AGBL4: variants seen among roughly 807,000 people sequenced by gnomAD.
AGBL4 encodes cytosolic carboxypeptidase 6.
Under a neutral mutation model 66.4 loss-of-function variants are expected in AGBL4, and 58 were observed. The ratio of observed to expected loss-of-function variants is 0.87; its 90% confidence interval spans 0.71 to 1.09. The LOEUF (loss-of-function observed/expected upper bound fraction) is 1.09, where lower values mean the gene tolerates loss of function less well. Ranked by LOEUF, AGBL4 falls within the 50% of genes least tolerant of loss-of-function variation. The pLI, the probability that AGBL4 is intolerant of heterozygous loss-of-function variation, is 0.00. For synonymous variants in AGBL4, 234 were observed against 222.9 expected (o/e 1.05, Z -0.44); for missense variants, 579 against 631.0 (o/e 0.92, Z 0.88).
intron 3 of AGBL4, among the ~76,000 whole-genome samples, chr1:49,680,312 G>A (rs1231289086): frequency 6.7e-6 from 1 of 150,106 alleles, no homozygotes; most frequent in East Asian, 2.0e-4. Context: ...GCCTCCCAAG[G>A]TGCTGGGATT....
chr1:48,587,809 A>T lies in AGBL4; in HGVS notation c.1105-643T>A, dbSNP rs186995341. 4.3e-3 allele frequency among the ~76,000 whole-genome samples: 648 copies of T among 151,134 alleles called. 3 individuals are homozygous for T. Among genetic ancestry groups the T allele is most frequent in the African/African-American group, 0.014 (592 of 41,234 alleles). On this transcript the variant is annotated intron_variant, in intron 10 of 13. Coordinates refer to ENST00000371839, the MANE Select transcript of AGBL4 (RefSeq NM_032785.4). ...AGGTGCCCACCACCACGACTGGCTAATTTTTTGTATTTTTAGCAGAGACAG... is the reference window on the plus strand; with the variant it reads ...AGGTGCCCACCACCACGACTGGCTATTTTTTTGTATTTTTAGCAGAGACAG...
chr1:49,382,929 C>A (rs1178078019), intron 3 of AGBL4, among the ~76,000 whole-genome samples: 6 of 152,150 alleles, frequency 3.9e-5, no homozygotes, highest in African/African-American at 1.4e-4. Flanking sequence ...CACCTTAGCC[C>A]ATGAGTTCAA....
chr1:49,238,643 A>T (rs568802564), intron 4 of AGBL4, among the ~76,000 whole-genome samples: 1 of 152,312 alleles, frequency 6.6e-6, no homozygotes, highest in African/African-American at 2.4e-5. Context: ...GCTTCCTACT[A>T]GCCCTTTGTT....
chr1:49,415,044 A>G (rs1220081761), intron 3 of AGBL4, among the ~76,000 whole-genome samples: 1 of 152,062 alleles, frequency 6.6e-6, no homozygotes, highest in Non-Finnish European at 1.5e-5. Context: ...GATTTATCTG[A>G]GGTCATGTAG....
rs1036869080 is a variant in AGBL4 at position 49,213,257 on chromosome 1, C to T, written c.377+32513G>A. Among the ~76,000 whole-genome samples, 4 of 152,076 alleles carry T rather than the reference C, an allele frequency of 2.6e-5. No individual in the cohort carries two copies. The South Asian group carries it at 6.2e-4, about 24-fold the overall frequency. ...ACATCTACATTTATCTTAGGCTTACCTTTCTTGATTAGCAGAGATATTGAC... is the reference window on the plus strand; with the variant it reads ...ACATCTACATTTATCTTAGGCTTACTTTTCTTGATTAGCAGAGATATTGAC... On this transcript the variant is annotated intron_variant, in intron 4 of 13. Transcript: ENST00000371839.
At position 49,603,963 on chromosome 1, in the gene AGBL4, CA is replaced by C. The variant is rs1161900338; in HGVS notation, c.282+93349del. Among the ~76,000 whole-genome samples the C allele has an allele frequency of 1.7e-4, 26 of 151,430 alleles. 1 individual carries two copies. Among genetic ancestry groups the C allele is most frequent in the African/African-American group, 6.3e-4 (26 of 41,230 alleles). ...ACACACACACACACACACACACACACACACACACACACACACACCACATTTT... is the reference window on the plus strand; with the variant it reads ...ACACACACACACACACACACACACACCACACACACACACACACCACATTTT... On this transcript the variant is annotated intron_variant, in intron 3 of 13. Coordinates refer to ENST00000371839, the MANE Select transcript of AGBL4 (RefSeq NM_032785.4).
chr1:49,295,213 A>G (rs1016438097), intron 3 of AGBL4, among the ~76,000 whole-genome samples: 1 of 152,220 alleles, frequency 6.6e-6, no homozygotes, highest in Non-Finnish European at 1.5e-5. Flanking sequence ...CATTGAGGAT[A>G]TAACAAAAAA....
intron 1 of AGBL4, among the ~76,000 whole-genome samples, chr1:49,916,364 A>G (rs1366967784): frequency 2.0e-5 from 3 of 152,198 alleles, no homozygotes; most frequent in Non-Finnish European, 4.4e-5. Context: ...ACTAACTACA[A>G]TAACCAGTGT....
At chr1:49,733,868 C>A (rs1649653234) in intron 2 of AGBL4, among the ~76,000 whole-genome samples, 1 of 152,028 alleles carries the variant, frequency 6.6e-6, no homozygotes, top group Admixed American at 6.6e-5. Context: ...TAATAGACTG[C>A]AAAATTTTTA....
intron 7 of AGBL4, among the ~76,000 whole-genome samples, chr1:48,653,919 T>C (rs1645977949): frequency 6.6e-6 from 1 of 152,174 alleles, no homozygotes; most frequent in Non-Finnish European, 1.5e-5. Flanking sequence ...ATGTTGCTGA[T>C]AGGCACACCA....
intron 5 of AGBL4, among the ~76,000 whole-genome samples, chr1:49,030,820 C>CA (rs34872551): frequency 0.046 from 2,742 of 60,146 alleles, 59 homozygotes; most frequent in African/African-American, 0.1. Context: ...TAAGTAGAGG[C>CA]AAAAAAAAAA....
intron 1 of AGBL4, among the ~76,000 whole-genome samples, chr1:49,857,864 G>A (rs910575476): frequency 2.6e-5 from 4 of 152,160 alleles, no homozygotes; most frequent in African/African-American, 9.6e-5. Context: ...ATAGACCAAT[G>A]GGACTAATTG....
At chr1:49,080,223 G>T (rs553123721) in intron 4 of AGBL4, among the ~76,000 whole-genome samples, 1 of 152,190 alleles carries the variant, frequency 6.6e-6, no homozygotes, top group South Asian at 2.1e-4. Context: ...AAACTAGATG[G>T]CTCACACAAA....
intron 3 of AGBL4, among the ~76,000 whole-genome samples, chr1:49,498,228 C>A (rs886891316): frequency 6.6e-6 from 1 of 151,890 alleles, no homozygotes; most frequent in Non-Finnish European, 1.5e-5. Flanking sequence ...TTGTATCCTG[C>A]AACTCTACTG....
chr1:49,874,109 C>A (rs894076067), intron 1 of AGBL4, among the ~76,000 whole-genome samples: 1 of 151,832 alleles, frequency 6.6e-6, no homozygotes, highest in Non-Finnish European at 1.5e-5. Context: ...GTAATTTAAC[C>A]TGAAAATAAT....
chr1:49,091,368 T>C (rs1645000885), intron 4 of AGBL4, among the ~76,000 whole-genome samples: 1 of 151,976 alleles, frequency 6.6e-6, no homozygotes, highest in African/African-American at 2.4e-5. Context: ...ATAAGGAGCT[T>C]AAACATATTA....
intron 5 of AGBL4, among the ~76,000 whole-genome samples, chr1:48,952,863 A>ATTT (rs200833999): frequency 3.4e-5 from 5 of 147,740 alleles, no homozygotes; most frequent in Non-Finnish European, 7.5e-5. Context: ...TTTTTTTGTG[A>ATTT]TTTTTTTTTT....
At chr1:49,169,956 G>A (rs1383576529) in intron 4 of AGBL4, among the ~76,000 whole-genome samples, 1 of 151,894 alleles carries the variant, frequency 6.6e-6, no homozygotes, top group Non-Finnish European at 1.5e-5. Context: ...ATACTGAGTG[G>A]TATAATGGAT....
At chr1:48,859,767 A>G (rs1383653474) in intron 6 of AGBL4, among the ~76,000 whole-genome samples, 1 of 152,202 alleles carries the variant, frequency 6.6e-6, no homozygotes, top group Non-Finnish European at 1.5e-5. Context: ...AATGATGTAT[A>G]CCTCTCCTCA....
Sources: gnomAD v4.1 joint callset for allele counts (sites outside exome capture counted in the v4.1 genomes callset) on GRCh38, gnomAD v4.1.1 for gene constraint, MANE v1.5 for transcripts, NCBI Gene and HGNC (gene_info 2026-07-23, HGNC 2026-07-21) for gene names.